HCK: variants seen among roughly 807,000 people sequenced by gnomAD.
HCK encodes tyrosine-protein kinase HCK.
In HCK, 40 loss-of-function variants were observed where a neutral mutation model predicts 70.4. That is an observed-to-expected ratio of 0.57 (90% CI 0.44 to 0.74). HCK has a LOEUF of 0.74. Among genes scored for constraint, HCK ranks in the 30% least tolerant of loss-of-function variants. The pLI, the probability that HCK is intolerant of heterozygous loss-of-function variation, is 0.00. For missense variants in HCK, 568 were observed against 697.2 expected (o/e 0.81, Z 2.09); for synonymous variants, 245 against 263.2 (o/e 0.93, Z 0.67).
At chr20:32,089,932 T>TCAG (rs2045842306) in intron 10 of HCK, among the ~76,000 whole-genome samples, 1 of 152,222 alleles carries the variant, frequency 6.6e-6, no homozygotes, top group African/African-American at 2.4e-5. Flanking sequence ...TTCAGCCTAC[T>TCAG]CAGCAGGAGC....
Position 32,086,816 on chromosome 20 carries a change from T to A in HCK, c.1015+9T>A. 6.4e-7 allele frequency: 1 copy of A among 1,565,256 alleles called. No homozygotes were observed. Among genetic ancestry groups the A allele is most frequent in the Non-Finnish European group, 8.7e-7 (1 of 1,155,292 alleles). ...GGAGTTCATGGCCAAAGGTGCTGCGTGCTGGGGCTGGGGGTGCAGGCTGTG... is the reference window on the plus strand; with the variant it reads ...GGAGTTCATGGCCAAAGGTGCTGCGAGCTGGGGCTGGGGGTGCAGGCTGTG... On this transcript the variant is annotated intron_variant, in intron 9 of 12. Transcript: ENST00000375852.
chr20:32,088,042 A>C (rs1040827513), intron 9 of HCK, among the ~76,000 whole-genome samples: 10 of 152,124 alleles, frequency 6.6e-5, no homozygotes, highest in African/African-American at 2.4e-4. Flanking sequence ...GATTATAGGC[A>C]TGAACCACTG....
At chr20:32,072,829 G>A (rs1240346134) in intron 2 of HCK, among the ~76,000 whole-genome samples, 1 of 152,060 alleles carries the variant, frequency 6.6e-6, no homozygotes, top group African/African-American at 2.4e-5. Context: ...CACAGCTCAA[G>A]AAACCTGGAT....
At position 32,071,710 on chromosome 20, in the gene HCK, C is replaced by G; in HGVS notation, c.111C>G (p.Phe37Leu). The G allele has an allele frequency of 6.2e-7, 1 of 1,614,198 alleles. No individual in the cohort carries two copies. The highest frequency in any genetic ancestry group is 8.5e-7 in the Non-Finnish European group (1 of 1,180,026). The change falls in exon 2 of 13, where the codon TTC becomes TTG. Residue 37 changes from phenylalanine (F) to leucine (L), a missense_variant. Phe to Leu is a conservative substitution (Grantham distance 22, BLOSUM62 0). Coordinates refer to ENST00000375852, the MANE Select transcript of HCK (RefSeq NM_002110.5). ...TCCTCCAGGTCGGAGGCAATACATTCTCAAAAACTGAAACCAGCGCCAGCC... is the reference window on the plus strand; with the variant it reads ...TCCTCCAGGTCGGAGGCAATACATTGTCAAAAACTGAAACCAGCGCCAGCC...
chr20:32,074,025 G>A (rs1194835387), intron 4 of HCK, among the ~76,000 whole-genome samples: 1 of 152,232 alleles, frequency 6.6e-6, no homozygotes, highest in Non-Finnish European at 1.5e-5. Flanking sequence ...TGCACGTCCA[G>A]CCTGAGATGA....
chr20:32,081,618 C>G (rs1425654175), intron 6 of HCK, among the ~76,000 whole-genome samples: 1 of 152,180 alleles, frequency 6.6e-6, no homozygotes, highest in African/African-American at 2.4e-5. Context: ...ATTGGCGAAG[C>G]TTTCATGTGG....
chr20:32,082,487 C>T (rs1195788973), intron 6 of HCK, among the ~76,000 whole-genome samples: 1 of 151,912 alleles, frequency 6.6e-6, no homozygotes, highest in African/African-American at 2.4e-5. Context: ...ACTAAAAATA[C>T]AAAAATTAGC....
chr20:32,071,718 C>A lies in HCK; in HGVS notation c.119C>A (p.Thr40Asn). The change falls in exon 2 of 13, where the codon ACT (threonine) becomes AAT (asparagine). Residue 40 changes from threonine (T) to asparagine (N), a missense_variant. This residue lies in a region of HCK where 318 missense variants were observed against 336.0 expected (regional missense o/e 0.95). Transcript: ENST00000375852. ...GTCGGAGGCAATACATTCTCAAAAA[C>A]TGAAACCAGCGCCAGCCCACACTGT... is the stretch of plus-strand genomic sequence containing the variant. 6.2e-7 allele frequency: 1 copy of A among 1,614,206 alleles called. No homozygotes were observed. Among genetic ancestry groups the A allele is most frequent in the Non-Finnish European group, 8.5e-7 (1 of 1,180,034 alleles).
intron 7 of HCK, 142 bp downstream of exon 7, chr20:32,084,185 C>A: frequency 9.2e-7 from 1 of 1,087,824 alleles, no homozygotes; most frequent in Non-Finnish European, 1.3e-6. Context: ...CTTCTGAAGG[C>A]TTAGGACTGT....
intron 10 of HCK, among the ~76,000 whole-genome samples, chr20:32,090,326 C>G (rs2045847551): frequency 6.6e-6 from 1 of 152,156 alleles, no homozygotes. Context: ...GATTCAGAGC[C>G]CAGGGACAGA....
chr20:32,077,351 C>A (rs2045641933), intron 5 of HCK, among the ~76,000 whole-genome samples: 1 of 152,190 alleles, frequency 6.6e-6, no homozygotes, highest in Non-Finnish European at 1.5e-5. Context: ...CAACCAGCCA[C>A]TTCCCCTCCC....
intron 8 of HCK, among the ~76,000 whole-genome samples, chr20:32,084,891 T>C (rs2045761809): frequency 4.6e-5 from 7 of 152,152 alleles, no homozygotes; most frequent in Admixed American, 3.9e-4. Context: ...AATGGGGAAA[T>C]GCAGCTTGGA....
At chr20:32,079,911 C>G in intron 6 of HCK, 34 bp downstream of exon 6, 1 of 1,459,212 alleles carries the variant, frequency 6.9e-7, no homozygotes, top group Non-Finnish European at 9.6e-7. Flanking sequence ...GTCCTCCCTG[C>G]CGAGGTGCCC....
intron 7 of HCK, 47 bp downstream of exon 7, chr20:32,084,090 GA>G (rs1358347483): frequency 1.3e-6 from 2 of 1,595,744 alleles, no homozygotes; most frequent in East Asian, 4.5e-5. Context: ...TGGGCCCACA[GA>G]CTCCTAGTCA....
At chr20:32,089,640 C>T (rs1004762863) in intron 10 of HCK, among the ~76,000 whole-genome samples, 7 of 152,342 alleles carry the variant, frequency 4.6e-5, no homozygotes, top group Non-Finnish European at 8.8e-5. Context: ...ATGTTCCCCA[C>T]GCCCCTTGCA....
intron 11 of HCK, among the ~76,000 whole-genome samples, chr20:32,098,776 G>A (rs1019758399): frequency 7.2e-5 from 11 of 152,280 alleles, no homozygotes; most frequent in African/African-American, 2.4e-4. Flanking sequence ...ATTCTAGAGT[G>A]AACTTCCACA....
chr20:32,062,782 G>T (rs1028867931), intron 1 of HCK, among the ~76,000 whole-genome samples: 1 of 152,192 alleles, frequency 6.6e-6, no homozygotes, highest in African/African-American at 2.4e-5. Flanking sequence ...GATAAAGACA[G>T]TTCATTCAGA....
At chr20:32,056,888 A>G (rs1249370412) in intron 1 of HCK, among the ~76,000 whole-genome samples, 2 of 152,202 alleles carry the variant, frequency 1.3e-5, no homozygotes, top group African/African-American at 4.8e-5. Context: ...GGCACCTGGC[A>G]CATAGTAGGG....
In HCK at chr20:32,069,777, C is replaced by A. The variant is rs148760942; in HGVS notation, c.63-1885C>A. 1.1e-3 allele frequency: 1,430 copies of A among 1,273,300 alleles called. 12 individuals carry two copies. In the African/African-American group the frequency reaches 0.02, roughly 18 times the overall value. The allele number at this position is 1,273,300 out of a possible 1,614,324, so 78.9% of individuals were successfully genotyped here. A position where few individuals can be genotyped will look rare whatever the true frequency, so the allele number is the denominator to read the frequency against. The stretch of plus-strand genomic sequence containing the variant: ...GTAAATCCTTGTAAATAAAAGGAAT[C>A]TTTTTTCATTTTTAAAAGTAACTCA... On this transcript the variant is annotated intron_variant, in intron 1 of 12. Coordinates refer to ENST00000375852, the MANE Select transcript of HCK (RefSeq NM_002110.5).
Sources: allele counts gnomAD v4.1 joint callset (sites outside exome capture counted in the v4.1 genomes callset), GRCh38; gene constraint gnomAD v4.1.1; regional missense constraint gnomAD v4.1.1; transcripts MANE v1.5; gene names NCBI Gene and HGNC (gene_info 2026-07-23, HGNC 2026-07-21).